Variants in ERAP1 observed in about 807,000 individuals in gnomAD.
The protein encoded by ERAP1 is adipocyte-derived leucine aminopeptidase.
Under a neutral mutation model 103.7 loss-of-function variants are expected in ERAP1, and 86 were observed. That is an observed-to-expected ratio of 0.83 (90% CI 0.70 to 0.99). ERAP1 has a LOEUF of 0.99. Among genes scored for constraint, ERAP1 ranks in the 50% least tolerant of loss-of-function variants. The pLI, the probability that ERAP1 is intolerant of heterozygous loss-of-function variation, is 0.00. For synonymous variants in ERAP1, 398 were observed against 402.4 expected, an observed-to-expected ratio of 0.99 and a Z score of 0.13; for missense variants, 1,009 against 1,128.4, an observed-to-expected ratio of 0.89 and a Z score of 1.52.
chr5:96,880,321 CTT>C, the ERAP1 span: 1 of 1,432,032 alleles, frequency 7.0e-7, no homozygotes, highest in South Asian at 1.3e-5. Context: ...AGTTACATCT[CTT>C]TGCCAGGAGC....
At chr5:96,872,969 C>T in the ERAP1 span, among the ~76,000 whole-genome samples, 10 of 152,118 alleles carry the variant, frequency 6.6e-5, no homozygotes, top group Admixed American at 1.3e-4. Context: ...GTGGGTGGAT[C>T]ACCTGAGGTT....
intron 13 of ERAP1, 140 bp from the exon 14 acceptor site, chr5:96,784,220 C>A (rs925069859): frequency 6.8e-6 from 6 of 884,084 alleles, no homozygotes; most frequent in Non-Finnish European, 1.1e-5. Context: ...TACGGCCGGG[C>A]GCGGTGGCTC....
At chr5:96,856,472 G>A in the ERAP1 span, among the ~76,000 whole-genome samples, 1 of 150,116 alleles carries the variant, frequency 6.7e-6, no homozygotes, top group Admixed American at 6.7e-5. Context: ...GTACAATGCT[G>A]TTTGAGCTAT....
chr5:96,797,465 G>A (rs931283409), intron 3 of ERAP1, among the ~76,000 whole-genome samples, 156 bp from the exon 4 acceptor site: 6 of 152,238 alleles, frequency 3.9e-5, no homozygotes, highest in East Asian at 3.9e-4. Context: ...AGGAGTTTGC[G>A]ACCAGCCTAA....
At chr5:96,765,517 C>G (rs779653108) in intron 19 of ERAP1, among the ~76,000 whole-genome samples, 1 of 151,988 alleles carries the variant, frequency 6.6e-6, no homozygotes, top group Non-Finnish European at 1.5e-5. Flanking sequence ...GACAGAGATA[C>G]CAGCGGAGCC....
chr5:96,856,365 T>TAGAGAGAGAGAGAGAGAGAG, the ERAP1 span, among the ~76,000 whole-genome samples: 1 of 20,386 alleles, frequency 4.9e-5, no homozygotes, highest in Non-Finnish European at 1.1e-4. Context: ...TATATATATA[T>TAGAGAGAGAGAGAGAGAGAG]AGAGAGAGAG....
rs1330804423 is a variant in ERAP1, at chr5:96,804,044, C to T, written c.-17-101G>A. The T allele has an allele frequency of 3.1e-6, 4 of 1,302,924 alleles. No homozygotes were observed. The East Asian group carries it at 9.5e-5, about 31-fold the overall frequency. 80.7% of individuals were successfully genotyped at this position (1,302,924 alleles called of 1,614,324 possible). A position where few individuals can be genotyped will look rare whatever the true frequency, so the allele number is the denominator to read the frequency against. ...TCCACCCAGCATTCACAGAAATAGG[C>T]ATAAACTTCCAAAAGTACTAGGTCT... On this transcript the variant is annotated intron_variant, in intron 1 of 18. Coordinates refer to ENST00000443439, the MANE Select transcript of ERAP1 (RefSeq NM_001040458.3).
the ERAP1 span, chr5:96,909,001 T>TA: frequency 1.3e-5 from 21 of 1,614,082 alleles, no homozygotes; most frequent in African/African-American, 2.8e-4. Flanking sequence ...TGACATGACT[T>TA]ACTACCTCCA....
the ERAP1 span, among the ~76,000 whole-genome samples, chr5:96,835,873 G>A: frequency 6.6e-6 from 1 of 152,074 alleles, no homozygotes; most frequent in Non-Finnish European, 1.5e-5. Flanking sequence ...GCAGACAGGT[G>A]GTTCTAACAG....
At chr5:96,875,116 T>C in the ERAP1 span, among the ~76,000 whole-genome samples, 1 of 152,170 alleles carries the variant, frequency 6.6e-6, no homozygotes, top group Non-Finnish European at 1.5e-5. Context: ...TACAAGTAAC[T>C]GCAAGAAGCT....
chr5:96,800,182 T>C lies in ERAP1; in HGVS notation c.663+680A>G, dbSNP rs987091509. On this transcript the variant is annotated intron_variant, in intron 3 of 18. Coordinates refer to ENST00000443439, the MANE Select transcript of ERAP1 (RefSeq NM_001040458.3). ...CGGCCCAGCTGATGCTTTTCTAAAC[T>C]ACCAGAATCAAAGGATGATGGCACT... 3.9e-5 allele frequency among the ~76,000 whole-genome samples: 6 copies of C among 152,342 alleles called. No individual in the cohort carries two copies. In the South Asian group the frequency reaches 8.3e-4, roughly 21 times the overall value.
At chr5:96,778,838 G>T (rs186886325) in intron 18 of ERAP1, among the ~76,000 whole-genome samples, 13 of 152,326 alleles carry the variant, frequency 8.5e-5, no homozygotes, top group Non-Finnish European at 1.8e-4. Context: ...ATGTGCTGAG[G>T]GAAGACCGGC....
chr5:96,906,134 T>G, the ERAP1 span, among the ~76,000 whole-genome samples: 2 of 152,052 alleles, frequency 1.3e-5, no homozygotes, highest in Non-Finnish European at 2.9e-5. Context: ...GACATTGTCA[T>G]CCAAGGGCTG....
chr5:96,764,619 G>A (rs998937356), intron 19 of ERAP1, among the ~76,000 whole-genome samples: 3 of 152,128 alleles, frequency 2.0e-5, no homozygotes, highest in African/African-American at 7.2e-5. Context: ...TTGTGCTTTA[G>A]GAAGTATTAG....
the ERAP1 span, chr5:96,909,656 T>C: frequency 6.2e-7 from 1 of 1,614,202 alleles, no homozygotes; most frequent in African/African-American, 1.3e-5. Flanking sequence ...TGGGACAGGA[T>C]GCTCCGCTCG....
At chr5:96,897,714 T>C in the ERAP1 span, among the ~76,000 whole-genome samples, 4 of 152,204 alleles carry the variant, frequency 2.6e-5, no homozygotes, top group African/African-American at 9.6e-5. Flanking sequence ...ATTATTAAAA[T>C]ATTTTAAAAT....
At chr5:96,865,982 C>A in the ERAP1 span, among the ~76,000 whole-genome samples, 405 of 152,336 alleles carry the variant, frequency 2.7e-3, 6 homozygotes, top group Admixed American at 0.023. Flanking sequence ...ATGTTCTATA[C>A]AAGATCGCTT....
exon 20 of ERAP1, chr5:96,761,638 A>C (rs1767994281): frequency 6.6e-6 from 1 of 152,242 alleles, no homozygotes; most frequent in Non-Finnish European, 1.5e-5. Context: ...TTTTTTGTCA[A>C]AAGGGAGTAT....
the ERAP1 span, among the ~76,000 whole-genome samples, chr5:96,858,276 G>A: frequency 6.0e-5 from 9 of 149,346 alleles, no homozygotes; most frequent in South Asian, 2.1e-4. Context: ...GTGCAGTGGC[G>A]CTATCTTGGC....
Sources: allele counts gnomAD v4.1 joint callset (sites outside exome capture counted in the v4.1 genomes callset), GRCh38; gene constraint gnomAD v4.1.1; transcripts MANE v1.5; gene names NCBI Gene and HGNC (gene_info 2026-07-23, HGNC 2026-07-21).